The following NSRP1 variants were observed in gnomAD, a reference collection of about 807,000 sequenced individuals.
NSRP1 encodes coiled-coil domain containing 55.
Under a neutral mutation model 54.7 loss-of-function variants are expected in NSRP1, and 24 were observed. The observed-to-expected ratio is 0.44, with a 90% CI of 0.32 to 0.62. NSRP1 has a LOEUF of 0.62. Among genes scored for constraint, NSRP1 ranks in the 20% least tolerant of loss-of-function variants. The probability of loss-of-function intolerance (pLI) is 0.06; values close to 1 mark genes in which losing one functional copy is unlikely to be tolerated. For synonymous variants in NSRP1, 210 were observed against 213.8 expected (o/e 0.98, Z 0.15); for missense variants, 596 against 651.2 (o/e 0.92, Z 0.92).
chr17:30,175,992 G>T (rs1269929485), intron 3 of NSRP1, among the ~76,000 whole-genome samples: 3 of 135,198 alleles, frequency 2.2e-5, no homozygotes, highest in East Asian at 2.6e-4. Flanking sequence ...AACAGAGCAA[G>T]ACTCCGAACC....
intron 2 of NSRP1, among the ~76,000 whole-genome samples, chr17:30,145,411 C>G (rs1031959284): frequency 3.3e-5 from 5 of 152,142 alleles, no homozygotes; most frequent in African/African-American, 1.2e-4. Flanking sequence ...GGTGAAACCC[C>G]ATCTCTACTA....
rs1366339101 is a variant in NSRP1, at chr17:30,174,038, C to A, written c.171+1440C>A. 2.0e-5 allele frequency among the ~76,000 whole-genome samples: 3 copies of A among 152,140 alleles called. No individual in the cohort carries two copies. In the South Asian group the frequency reaches 6.2e-4, roughly 31 times the overall value. Reference sequence around the variant, plus strand: ...GCTTTGAGTCAGAATTTTGGAGATACCATTAAGTTCAACTTCCTCACTATA... The same window carrying A: ...GCTTTGAGTCAGAATTTTGGAGATAACATTAAGTTCAACTTCCTCACTATA... On this transcript the variant is annotated intron_variant, in intron 3 of 6. Transcript: ENST00000247026.
intron 2 of NSRP1, chr17:30,122,349 T>TGTGTGTGTGTATATATATATATA (rs1481107161): frequency 4.1e-5 from 3 of 72,306 alleles, no homozygotes; most frequent in African/African-American, 1.7e-4. Flanking sequence ...ATAACTCTGG[T>TGTGTGTGTGTATATATATATATA]TTCATATATA....
chr17:30,125,523 A>G (rs1466527071), intron 2 of NSRP1, among the ~76,000 whole-genome samples: 1 of 152,128 alleles, frequency 6.6e-6, no homozygotes, highest in Non-Finnish European at 1.5e-5. Context: ...GTGGTAGTCT[A>G]TCCCTTTTAA....
In NSRP1 at chr17:30,182,287, G is replaced by A. The variant is rs370057640; in HGVS notation, c.617+1271G>A. 1.3e-4 allele frequency among the ~76,000 whole-genome samples: 20 copies of A among 152,146 alleles called. No individual in the cohort carries two copies. In the South Asian group the frequency reaches 2.5e-3, roughly 19 times the overall value. On this transcript the variant is annotated intron_variant, in intron 6 of 6. Transcript: ENST00000247026. ...CTAAAATGTAAGACTTACATATCGG[G>A]GCTAGAACTGCACTGTTAGTATGTA...
chr17:30,147,161 T>A (rs1317055505), intron 2 of NSRP1, among the ~76,000 whole-genome samples: 3 of 149,770 alleles, frequency 2.0e-5, no homozygotes, highest in Non-Finnish European at 3.0e-5. Flanking sequence ...GGAATTTTGC[T>A]CTTATTGCCC....
rs527504467 is a variant in NSRP1, at chr17:30,173,942, G to A, written c.171+1344G>A. On this transcript the variant is annotated intron_variant, in intron 3 of 6. Coordinates refer to ENST00000247026, the MANE Select transcript of NSRP1 (RefSeq NM_032141.4). ...ACAGTGAAATATAATGTGTAACTCA[G>A]CAGCCTCAGAATGATTTAATATACA... Among the ~76,000 whole-genome samples, 4 of 152,262 alleles carry A rather than the reference G, an allele frequency of 2.6e-5. No individual in the cohort carries two copies. In the East Asian group the frequency reaches 7.7e-4, roughly 29 times the overall value.
intron 2 of NSRP1, chr17:30,128,040 C>T (rs866586961): frequency 2.3e-5 from 9 of 383,658 alleles, no homozygotes; most frequent in Non-Finnish European, 3.7e-5. Flanking sequence ...AGTCTCACTG[C>T]GTTGCCTAGG....
rs1905479949 is a variant in NSRP1 at position 30,185,219 on chromosome 17, G to A, written c.1222G>A (p.Gly408Arg). The A allele has an allele frequency of 4.4e-6, 7 of 1,575,858 alleles. No homozygotes were observed. Among genetic ancestry groups the A allele is most frequent in the African/African-American group, 1.4e-5 (1 of 73,418 alleles). ...TGATCAGAACCGACCCAGTGAGAAAGGAGAGAAGGAAGAGAAAAGCAAAGC... is the reference window on the plus strand; with the variant it reads ...TGATCAGAACCGACCCAGTGAGAAAAGAGAGAAGGAAGAGAAAAGCAAAGC... ...QNDQNRPSEK[G>R]EKEEKSKAKE... Residue 408 changes from glycine to arginine, a missense_variant, in exon 7 of 7, where the codon GGA becomes AGA. Transcript: ENST00000247026.
chr17:30,148,013 A>C (rs60685195), intron 2 of NSRP1, among the ~76,000 whole-genome samples: 1 of 151,022 alleles, frequency 6.6e-6, no homozygotes, highest in Non-Finnish European at 1.5e-5. Context: ...GGGTTTCCCC[A>C]TGTTGGCCAG....
At chr17:30,161,995 T>G (rs895032509) in intron 2 of NSRP1, among the ~76,000 whole-genome samples, 1 of 151,470 alleles carries the variant, frequency 6.6e-6, no homozygotes, top group African/African-American at 2.4e-5. Flanking sequence ...ATATTTTCTC[T>G]TTTCTAAATT....
chr17:30,134,457 A>C (rs1019407802), intron 2 of NSRP1, among the ~76,000 whole-genome samples: 2 of 152,238 alleles, frequency 1.3e-5, no homozygotes, highest in Non-Finnish European at 2.9e-5. Context: ...CGTGAAGCAC[A>C]ATAAAACAAG....
At chr17:30,117,247 T>C in intron 1 of NSRP1, 1 of 608,148 alleles carries the variant, frequency 1.6e-6, no homozygotes, top group Non-Finnish European at 3.0e-6. Flanking sequence ...TAGAGGGCCT[T>C]GTTCTCCTTG....
intron 2 of NSRP1, among the ~76,000 whole-genome samples, chr17:30,152,624 G>T (rs2071923016): frequency 6.6e-6 from 1 of 151,624 alleles, no homozygotes. Context: ...TCATTCTTTT[G>T]CATATGTATA....
chr17:30,145,051 CTG>C (rs1026583106), intron 2 of NSRP1, among the ~76,000 whole-genome samples: 3 of 152,124 alleles, frequency 2.0e-5, no homozygotes, highest in Non-Finnish European at 4.4e-5. Flanking sequence ...TTAGTCAACA[CTG>C]TGTTACAGTA....
chr17:30,178,160 G>C lies in NSRP1; in HGVS notation c.261G>C (p.Glu87Asp). 6.2e-7 allele frequency: 1 copy of C among 1,608,730 alleles called. No individual in the cohort carries two copies. The highest frequency in any genetic ancestry group is 8.5e-7 in the Non-Finnish European group (1 of 1,178,394). Residue 87 changes from glutamate to aspartate, a missense_variant, in exon 4 of 7, where the codon GAG (glutamate) becomes GAC (aspartate). Glu to Asp is a conservative substitution (Grantham distance 45). Coordinates refer to ENST00000247026, the MANE Select transcript of NSRP1 (RefSeq NM_032141.4). ...SIYDEMQKKK[E>D]ENNPKLLLGK... ...ATGATGAAATGCAGAAAAAAAAGGA[G>C]GAAAATAATCCCAAATTGCTTTTGG...
chr17:30,181,127 T>A, intron 6 of NSRP1, 111 bp downstream of exon 6: 1 of 732,294 alleles, frequency 1.4e-6, no homozygotes, highest in Non-Finnish European at 2.4e-6. Context: ...GCATATTGTG[T>A]TGTCAGCCAG....
chr17:30,180,067 G>C (rs1048787890), intron 5 of NSRP1, among the ~76,000 whole-genome samples: 2 of 152,066 alleles, frequency 1.3e-5, no homozygotes, highest in East Asian at 1.9e-4. Context: ...GAACTCCTGG[G>C]CTCAAGCAAT....
chr17:30,121,808 T>C (rs1204821522), intron 2 of NSRP1, among the ~76,000 whole-genome samples: 1 of 152,110 alleles, frequency 6.6e-6, no homozygotes, highest in Non-Finnish European at 1.5e-5. Context: ...GACCTTGTGA[T>C]CCACCTCGCC....
Sources: gnomAD v4.1 joint callset for allele counts (sites outside exome capture counted in the v4.1 genomes callset) on GRCh38, gnomAD v4.1.1 for gene constraint, MANE v1.5 for transcripts, NCBI Gene and HGNC (gene_info 2026-07-23, HGNC 2026-07-21) for gene names.